ADCK1: variants seen among roughly 807,000 people sequenced by gnomAD.
ADCK1 encodes aarF domain containing kinase 1.
ADCK1 carries 41 observed loss-of-function variants against 52.3 expected under a neutral mutation model. The observed-to-expected ratio is 0.78, with a 90% CI of 0.61 to 1.02. The LOEUF is 1.02. Among genes scored for constraint, ADCK1 ranks in the 50% least tolerant of loss-of-function variants. The pLI is 0.00. For missense variants in ADCK1, 658 were observed against 679.5 expected (o/e 0.97, Z 0.35); for synonymous variants, 250 against 274.6 (o/e 0.91, Z 0.89).
At chr14:77,837,383 C>T (rs1594906554) in intron 3 of ADCK1, among the ~76,000 whole-genome samples, 1 of 152,210 alleles carries the variant, frequency 6.6e-6, no homozygotes, top group South Asian at 2.1e-4. Flanking sequence ...AGTGATCTGC[C>T]TGCCTCAGCC....
intron 9 of ADCK1, among the ~76,000 whole-genome samples, chr14:77,929,012 A>G (rs1024003197): frequency 1.3e-5 from 2 of 152,192 alleles, no homozygotes; most frequent in African/African-American, 2.4e-5. Flanking sequence ...GGTCCCTGCC[A>G]TCCTGGGACT....
chr14:77,824,883 C>T (rs2081661199), intron 3 of ADCK1, among the ~76,000 whole-genome samples: 1 of 152,116 alleles, frequency 6.6e-6, no homozygotes, highest in African/African-American at 2.4e-5. Flanking sequence ...TTGAAGAAAC[C>T]AGATAATTTA....
intron 4 of ADCK1, among the ~76,000 whole-genome samples, chr14:77,874,713 C>T (rs1161141726): frequency 6.6e-6 from 1 of 152,090 alleles, no homozygotes; most frequent in Non-Finnish European, 1.5e-5. Flanking sequence ...TGTGCTGGCC[C>T]CAGGGGTTAT....
intron 5 of ADCK1, among the ~76,000 whole-genome samples, chr14:77,898,656 T>C (rs1417679931): frequency 6.7e-6 from 1 of 149,818 alleles, no homozygotes; most frequent in Non-Finnish European, 1.5e-5. Flanking sequence ...GGTTGGGGGG[T>C]GGGGGAGAGC....
At chr14:77,810,525 T>C (rs898514898) in intron 1 of ADCK1, among the ~76,000 whole-genome samples, 11 of 150,132 alleles carry the variant, frequency 7.3e-5, no homozygotes, top group African/African-American at 2.2e-4. Flanking sequence ...GTTCAGAGGC[T>C]GGGTTCTTTT....
In ADCK1 at chr14:77,915,353, A is replaced by G. The variant is rs1307835456; in HGVS notation, c.858+7434A>G. 6.1e-5 allele frequency among the ~76,000 whole-genome samples: 5 copies of G among 81,410 alleles called. No homozygotes were observed. In the Admixed American group the frequency reaches 8.6e-4, roughly 14 times the overall value. The allele number at this position is 81,410 out of a possible 152,430, so 53.4% of individuals were successfully genotyped here. ...CCCCCCTCCCCCCTACCCCCAGCCT[A>G]CAACAGGCCCCAGAGTGTGATGTTC... On this transcript the variant is annotated intron_variant, in intron 7 of 10. Transcript: ENST00000238561.
intron 3 of ADCK1, among the ~76,000 whole-genome samples, chr14:77,853,034 G>T (rs2082346783): frequency 7.0e-6 from 1 of 142,648 alleles, no homozygotes; most frequent in Non-Finnish European, 1.5e-5. Context: ...TTACAGGTGT[G>T]AGCCACCATG....
chr14:77,932,001 C>T (rs946417039), intron 10 of ADCK1, among the ~76,000 whole-genome samples: 2 of 152,132 alleles, frequency 1.3e-5, no homozygotes, highest in African/African-American at 4.8e-5. Context: ...GAGACTGTGA[C>T]TCAGGTTCTC....
chr14:77,878,546 C>A (rs540394425), intron 4 of ADCK1, among the ~76,000 whole-genome samples: 4 of 152,212 alleles, frequency 2.6e-5, no homozygotes, highest in Non-Finnish European at 5.9e-5. Flanking sequence ...GTCTAATCTC[C>A]TGGTACCACC....
At chr14:77,902,423 A>G (rs2083567296) in intron 6 of ADCK1, 1 of 152,238 alleles carries the variant, frequency 6.6e-6, no homozygotes, top group Non-Finnish European at 1.5e-5. Context: ...ATCTGGTGTC[A>G]CTGCCCCAGC....
rs1293120244 is a variant in ADCK1 at position 77,836,769 on chromosome 14, C to CTTTTTTTTT, written c.219+14254_219+14255insTTTTTTTTT. On this transcript the variant is annotated intron_variant, in intron 3 of 10. Transcript: ENST00000238561. The stretch of plus-strand genomic sequence containing the variant: ...TATCTCCTCTACCTTTTCTTTCTTT[C>CTTTTTTTTT]TTTCTTTTTTTTTTTTTTTTTTGAG... Among the ~76,000 whole-genome samples, 20 of 75,274 alleles carry CTTTTTTTTT rather than the reference C, an allele frequency of 2.7e-4. 1 individual carries two copies. Among genetic ancestry groups the CTTTTTTTTT allele is most frequent in the African/African-American group, 3.2e-4 (7 of 22,168 alleles). 49.4% of individuals were successfully genotyped at this position (75,274 alleles called of 152,430 possible).
At chr14:77,868,310 TCTTTCTCCTGGA>T (rs1289639034) in intron 4 of ADCK1, among the ~76,000 whole-genome samples, 1 of 152,194 alleles carries the variant, frequency 6.6e-6, no homozygotes, top group Non-Finnish European at 1.5e-5. Flanking sequence ...GATCCAGTGC[TCTTTCTCCTGGA>T]CTATTCTGTT....
In ADCK1 at chr14:77,816,881, A is replaced by AAAATATATATATATAT. The variant is rs150077207; in HGVS notation, c.-11-2086_-11-2085insAATATATATATATATA. On this transcript the variant is annotated intron_variant, in intron 1 of 10. Coordinates refer to ENST00000238561, the MANE Select transcript of ADCK1 (RefSeq NM_020421.4). ...CACCATCTCCAGGTAGTAGATGGTA[A>AAAATATATATATATAT]ATATATATATATATATATATATTTA... 2.1e-4 allele frequency among the ~76,000 whole-genome samples: 23 copies of AAAATATATATATATAT among 110,012 alleles called. 1 individual carries two copies. The highest frequency in any genetic ancestry group is 4.6e-4 in the African/African-American group (16 of 34,692). The allele number at this position is 110,012 out of a possible 152,430, so 72.2% of individuals were successfully genotyped here. A position where few individuals can be genotyped will look rare whatever the true frequency, so the allele number is the denominator to read the frequency against.
intron 3 of ADCK1, among the ~76,000 whole-genome samples, chr14:77,825,512 C>T (rs1262070553): frequency 6.6e-6 from 1 of 152,150 alleles, no homozygotes. Flanking sequence ...ATGTCTCCTA[C>T]AAGGTATGTT....
At chr14:77,860,572 C>A (rs2082523090) in intron 4 of ADCK1, among the ~76,000 whole-genome samples, 1 of 152,160 alleles carries the variant, frequency 6.6e-6, no homozygotes, top group Non-Finnish European at 1.5e-5. Flanking sequence ...ACATCTCTGA[C>A]TCCTCTGCCA....
chr14:77,905,965 G>A (rs1023160946), intron 6 of ADCK1, among the ~76,000 whole-genome samples: 10 of 152,274 alleles, frequency 6.6e-5, no homozygotes, highest in African/African-American at 9.6e-5. Context: ...GGCAGAAACC[G>A]CAGTCAAGCA....
At chr14:77,883,944 G>T (rs2083089228) in intron 4 of ADCK1, among the ~76,000 whole-genome samples, 1 of 152,192 alleles carries the variant, frequency 6.6e-6, no homozygotes, top group Admixed American at 6.5e-5. Flanking sequence ...TGGGGATGTG[G>T]TGGACCAGGC....
intron 4 of ADCK1, among the ~76,000 whole-genome samples, chr14:77,886,405 A>G (rs537964510): frequency 1.2e-4 from 19 of 152,228 alleles, no homozygotes; most frequent in Middle Eastern, 3.2e-3. Flanking sequence ...GTCCATATGT[A>G]AGAGCCTAGA....
intron 4 of ADCK1, among the ~76,000 whole-genome samples, chr14:77,864,771 G>A (rs2082628296): frequency 6.6e-6 from 1 of 152,152 alleles, no homozygotes; most frequent in African/African-American, 2.4e-5. Flanking sequence ...TAGAGGCTGG[G>A]AAGTCCAAAA....
Sources: allele counts gnomAD v4.1 joint callset (sites outside exome capture counted in the v4.1 genomes callset), GRCh38; gene constraint gnomAD v4.1.1; transcripts MANE v1.5; gene names NCBI Gene and HGNC (gene_info 2026-07-23, HGNC 2026-07-21).